The following OTOA variants were observed in gnomAD, a reference collection of about 807,000 sequenced individuals.
OTOA encodes the protein cancer/testis antigen 108.
In OTOA, 70 loss-of-function variants were observed where a neutral mutation model predicts 110.8. The ratio of observed to expected loss-of-function variants is 0.63; its 90% CI spans 0.52 to 0.77. The LOEUF (loss-of-function observed/expected upper bound fraction) is 0.77, where lower values mean the gene tolerates loss of function less well. Among genes scored for constraint, OTOA ranks in the 30% least tolerant of loss-of-function variants. The pLI is 0.00. For missense variants in OTOA, 917 were observed against 1,075.8 expected (o/e 0.85, Z 2.06); for synonymous variants, 373 against 431.5 (o/e 0.86, Z 1.68).
rs1213474615 is a variant in OTOA, at chr16:21,695,889, A to ATTTTTTTTTT, written c.740-1885_740-1884insTTTTTTTTTT. Among the ~76,000 whole-genome samples the ATTTTTTTTTT allele has an allele frequency of 1.2e-3, 76 of 63,624 alleles. 2 individuals carry two copies. The highest frequency in any genetic ancestry group is 1.7e-3 in the Non-Finnish European group (64 of 37,992). 41.7% of individuals were successfully genotyped at this position (63,624 alleles called of 152,430 possible). On this transcript the variant is annotated intron_variant, in intron 9 of 28. Coordinates refer to ENST00000646100, the MANE Select transcript of OTOA (RefSeq NM_144672.4). ...GAGATATATATATATATATATATAT[A>ATTTTTTTTTT]TATTTTTTTTTTTTTTTTTTTCTGA...
intron 18 of OTOA, among the ~76,000 whole-genome samples, chr16:21,725,340 A>C (rs1419701189): frequency 6.6e-6 from 1 of 152,110 alleles, no homozygotes; most frequent in African/African-American, 2.4e-5. Flanking sequence ...GTTGGAGTGC[A>C]GTGGTGCGAT....
At position 21,728,171 on chromosome 16, in the gene OTOA, A is replaced by G; in HGVS notation, c.2017-70A>G. The G allele has an allele frequency of 2.5e-6, 4 of 1,586,956 alleles. 1 individual carries two copies. Among genetic ancestry groups the G allele is most frequent in the Non-Finnish European group, 3.5e-6 (4 of 1,156,162 alleles). ...TAAGCCACAGTGCCCACCCCACAGG[A>G]TGTGTTTCTAATGGCTCACGATCTT... On this transcript the variant is annotated intron_variant, in intron 19 of 28. Coordinates refer to ENST00000646100, the MANE Select transcript of OTOA (RefSeq NM_144672.4).
In OTOA at chr16:21,697,786, T is replaced by A. The variant is rs534035515; in HGVS notation, c.751T>A (p.Ser251Thr). The A allele has an allele frequency of 3.1e-6, 5 of 1,614,118 alleles. No homozygotes were observed. The South Asian group carries it at 5.5e-5, about 18-fold the overall frequency. ...TTTATTTTTTGTAGATGACTCTGCT[T>A]CATGGGTCAGTGCGGAACACTTATG... ...TSSNATDDSA[S>T]WVSAEHLWVL... The change falls in exon 10 of 29, where the codon TCA (serine) becomes ACA (threonine). Residue 251 changes from serine (S) to threonine (T), a missense_variant. Physicochemically the swap from Ser to Thr is moderately conservative, Grantham distance 58. Around this residue, in one of 6 missense-constraint regions of OTOA, gnomAD observed 840 missense variants for 910.2 expected, o/e 0.92. Coordinates refer to ENST00000646100, the MANE Select transcript of OTOA (RefSeq NM_144672.4).
At chr16:21,759,426 A>C (rs1312525645) in intron 28 of OTOA, among the ~76,000 whole-genome samples, 1 of 151,060 alleles carries the variant, frequency 6.6e-6, no homozygotes, top group African/African-American at 2.4e-5. Flanking sequence ...CTATGCCGTA[A>C]CTGTATTCAA....
rs778223383 is a variant in OTOA, at chr16:21,677,479, C to CTTT, written c.-4-1014_-4-1012dup. 1.5e-3 allele frequency among the ~76,000 whole-genome samples: 180 copies of CTTT among 116,876 alleles called. 6 individuals carry two copies. The highest frequency in any genetic ancestry group is 4.6e-3 in the Middle Eastern group (1 of 218). 76.7% of individuals were successfully genotyped at this position (116,876 alleles called of 152,430 possible). ...GTTTTTATGAAGTTTAGCTTCATAT[C>CTTT]TTTTTTTTTTTTTTTTTTTTGAGAC... is the stretch of plus-strand genomic sequence containing the variant. On this transcript the variant is annotated intron_variant, in intron 1 of 28. Transcript: ENST00000646100.
At chr16:21,756,380 A>C (rs941964806) in intron 27 of OTOA, among the ~76,000 whole-genome samples, 1 of 152,094 alleles carries the variant, frequency 6.6e-6, no homozygotes, top group African/African-American at 2.4e-5. Flanking sequence ...GTCAAACCAA[A>C]GGATCAGAAT....
chr16:21,728,278 T>C lies in OTOA; in HGVS notation c.2054T>C (p.Met685Thr). The C allele has an allele frequency of 6.2e-7, 1 of 1,614,172 alleles. No homozygotes were observed. ...SIADEYTVDI[M>T]GNLLCHLPAA... ...GCTGATGAGTACACTGTGGACATCA[T>C]GGGGAACCTGCTGTGTCACTTGCCG... The change falls in exon 20 of 29, where the codon ATG (methionine) becomes ACG (threonine). Residue 685 changes from methionine (M) to threonine (T), a missense_variant. By Grantham distance (81) the Met-to-Thr change is moderately conservative. Transcript: ENST00000646100.
chr16:21,714,881 A>C, intron 13 of OTOA, 104 bp from the exon 14 acceptor site: 1 of 1,458,756 alleles, frequency 6.9e-7, no homozygotes, highest in Admixed American at 1.7e-5. Flanking sequence ...CTGTGCCCCT[A>C]AGGTGTCACC....
intron 18 of OTOA, among the ~76,000 whole-genome samples, chr16:21,723,530 A>G (rs1207996042): frequency 6.6e-6 from 1 of 152,044 alleles, no homozygotes; most frequent in African/African-American, 2.4e-5. Context: ...AGAAATTCCT[A>G]TTAATTTATA....
rs763714514 is a variant in OTOA, at chr16:21,716,978, C to T, written c.1560C>T (p.Leu520=). The change falls in exon 15 of 29, where the codon CTC becomes CTT. Residue 520 remains leucine, a synonymous_variant. Coordinates refer to ENST00000646100, the MANE Select transcript of OTOA (RefSeq NM_144672.4). ...GGGCTTTCTTTAAGGAAGTGTCTCT[C>T]TTTGATTTAAGGAGGCAACCTGGAT... ...IQGAFFKEVS[L]FDLRRQPGFN... 9 of 1,614,054 alleles carry T rather than the reference C, an allele frequency of 5.6e-6. No homozygotes were observed. Among genetic ancestry groups the T allele is most frequent in the South Asian group, 1.1e-5 (1 of 91,078 alleles).
chr16:21,724,910 G>T (rs569941799), intron 18 of OTOA, among the ~76,000 whole-genome samples: 1 of 152,158 alleles, frequency 6.6e-6, no homozygotes, highest in Admixed American at 6.5e-5. Flanking sequence ...CCCAGTAGCT[G>T]GGATTACAGG....
chr16:21,709,796 G>A (rs1313855491), intron 12 of OTOA, 92 bp from the exon 13 acceptor site: 3 of 1,096,990 alleles, frequency 2.7e-6, no homozygotes, highest in Non-Finnish European at 4.2e-6. Flanking sequence ...GTCAAGGGAG[G>A]TGCTGTGGAG....
intron 21 of OTOA, among the ~76,000 whole-genome samples, chr16:21,735,221 A>C (rs568721662): frequency 4.2e-4 from 64 of 152,102 alleles, no homozygotes; most frequent in African/African-American, 1.5e-3. Flanking sequence ...TGATGCTGGC[A>C]TCTGCCCAGC....
chr16:21,759,271 G>A (rs1050976799), intron 28 of OTOA, among the ~76,000 whole-genome samples: 1 of 151,964 alleles, frequency 6.6e-6, no homozygotes, highest in Admixed American at 6.6e-5. Context: ...TGCATACACA[G>A]CAAATCAAAT....
intron 1 of OTOA, among the ~76,000 whole-genome samples, chr16:21,665,462 T>C (rs1430403859): frequency 6.6e-6 from 1 of 152,150 alleles, no homozygotes; most frequent in African/African-American, 2.4e-5. Context: ...GGATTAAGGT[T>C]ACTAGGGAGC....
intron 1 of OTOA, among the ~76,000 whole-genome samples, chr16:21,667,578 G>A (rs1329898900): frequency 6.6e-6 from 1 of 151,538 alleles, no homozygotes; most frequent in Non-Finnish European, 1.5e-5. Flanking sequence ...CCCAGCGTGG[G>A]TAACAGAGAG....
At chr16:21,694,448 A>G (rs1897892871) in intron 9 of OTOA, among the ~76,000 whole-genome samples, 1 of 152,134 alleles carries the variant, frequency 6.6e-6, no homozygotes, top group Non-Finnish European at 1.5e-5. Context: ...GTCTCTAAAA[A>G]AAAGTCCAAA....
intron 20 of OTOA, among the ~76,000 whole-genome samples, chr16:21,728,822 C>T (rs1052907602): frequency 1.3e-5 from 2 of 151,960 alleles, no homozygotes; most frequent in Non-Finnish European, 2.9e-5. Flanking sequence ...CTCCTGACCT[C>T]GTAATCCACC....
rs758842243 is a variant in OTOA, at chr16:21,700,923, G to A, written c.876G>A (p.Lys292=). ...GLFISYDNAT[K]QLDMVYDITP... ...TTATCAGCTATGACAACGCCACCAA[G>A]CAGCTGGACATGGTCTATGACATCA... Residue 292 remains lysine (K), a synonymous_variant, in exon 11 of 29, where the codon AAG becomes AAA. Transcript: ENST00000646100. 3 of 1,614,064 alleles carry A rather than the reference G, an allele frequency of 1.9e-6. No homozygotes were observed. The highest frequency in any genetic ancestry group is 2.5e-6 in the Non-Finnish European group (3 of 1,180,006).
Sources: allele counts gnomAD v4.1 joint callset (sites outside exome capture counted in the v4.1 genomes callset), GRCh38; gene constraint gnomAD v4.1.1; regional missense constraint gnomAD v4.1.1; transcripts MANE v1.5; gene names NCBI Gene and HGNC (gene_info 2026-07-23, HGNC 2026-07-21).